The following PCDHGB3 variants were observed in gnomAD, a reference collection of about 807,000 sequenced individuals.
The protein encoded by PCDHGB3 is protocadherin gamma subfamily B, 3, also known as protocadherin gamma-B3.
Under a neutral mutation model 59.2 loss-of-function variants are expected in PCDHGB3, and 40 were observed. The observed-to-expected ratio is 0.68, with a 90% CI of 0.52 to 0.88. The LOEUF (loss-of-function observed/expected upper bound fraction) is 0.88, where lower values mean the gene tolerates loss of function less well. PCDHGB3 is among the 40% of genes least tolerant of loss of function. PCDHGB3 has a pLI of 0.00. For synonymous variants in PCDHGB3, 581 were observed against 503.6 expected (o/e 1.15, Z -2.06); for missense variants, 1,309 against 1,187.9 (o/e 1.10, Z -1.50).
At chr5:141,405,488 C>T (rs781076927) in intron 1 of PCDHGB3, 5 of 895,936 alleles carry the variant, frequency 5.6e-6, no homozygotes, top group Middle Eastern at 2.9e-4. Context: ...GGTGTGATCT[C>T]GGCTCATTGC....
chr5:141,490,822 C>T lies in PCDHGB3; in HGVS notation c.2416-3985C>T. ...GCGTACCTTTGACTATGAATTGCTG[C>T]AGATGCTGCAGATTGTGGTGGGGGT... On this transcript the variant is annotated intron_variant, in intron 1 of 3. Coordinates refer to ENST00000576222, the MANE Select transcript of PCDHGB3 (RefSeq NM_018924.5). This position sits in a 1 kb window ranked among gnomAD's most constrained non-coding sequence, Gnocchi z 5.4. 2 of 1,613,842 alleles carry T rather than the reference C, an allele frequency of 1.2e-6. No individual in the cohort carries two copies. Among genetic ancestry groups the T allele is most frequent in the Non-Finnish European group, 1.7e-6 (2 of 1,179,790 alleles).
rs1253890351 is a variant in PCDHGB3, at chr5:141,372,427, G to T, written c.2033G>T (p.Arg678Leu). The T allele has an allele frequency of 3.1e-6, 5 of 1,613,872 alleles. No homozygotes were observed. Among genetic ancestry groups the T allele is most frequent in the East Asian group, 2.2e-5 (1 of 44,888 alleles). The change falls in exon 1 of 4, where the codon CGC becomes CTC. Residue 678 changes from arginine (R) to leucine (L), a missense_variant. Coordinates refer to ENST00000576222, the MANE Select transcript of PCDHGB3 (RefSeq NM_018924.5). ...LQEIQPDLSD[R>L]PTPSDPQAEL... ...GAGATACAACCTGACCTTAGCGACC[G>T]CCCCACTCCCTCTGACCCTCAGGCG...
At chr5:141,453,058 G>C (rs2098754889) in intron 1 of PCDHGB3, among the ~76,000 whole-genome samples, 2 of 152,076 alleles carry the variant, frequency 1.3e-5, no homozygotes, top group Admixed American at 1.3e-4. Flanking sequence ...TGCAGTTTTA[G>C]AGTTTTGCCA....
rs149653507 is a variant in PCDHGB3 at position 141,469,869 on chromosome 5, G to A, written c.2416-24938G>A. Among the ~76,000 whole-genome samples, 591 of 152,290 alleles carry A rather than the reference G, an allele frequency of 3.9e-3. 6 individuals are homozygous for A. Among genetic ancestry groups the A allele is most frequent in the Admixed American group, 0.011 (171 of 15,304 alleles). On this transcript the variant is annotated intron_variant, in intron 1 of 3. Transcript: ENST00000576222. ...ATTCAGACCGGGTGCAATGGCTCACGCCTGTAATCTCGGCACTTTGGGAAG... is the reference window on the plus strand; with the variant it reads ...ATTCAGACCGGGTGCAATGGCTCACACCTGTAATCTCGGCACTTTGGGAAG...
chr5:141,478,724 G>T, intron 1 of PCDHGB3: 2 of 1,542,774 alleles, frequency 1.3e-6, no homozygotes, highest in Non-Finnish European at 1.8e-6. Context: ...TGGCCTGCCA[G>T]AGTGTGGTTT....
rs1446853595 is a variant in PCDHGB3, at chr5:141,491,363, C to T, written c.2416-3444C>T. ...ACCGTCAGTCTCTTATCCCTAGTCA[C>T]CTTCACCTTTCTGTCAGCGAAGTGC... On this transcript the variant is annotated intron_variant, in intron 1 of 3. Coordinates refer to ENST00000576222, the MANE Select transcript of PCDHGB3 (RefSeq NM_018924.5). This position sits in a 1 kb window ranked among gnomAD's most constrained non-coding sequence, Gnocchi z 6.9. The T allele has an allele frequency of 6.2e-7, 1 of 1,614,182 alleles. No individual in the cohort carries two copies. Among genetic ancestry groups the T allele is most frequent in the South Asian group, 1.1e-5 (1 of 91,082 alleles).
chr5:141,387,813 A>T, intron 1 of PCDHGB3: 6 of 1,531,348 alleles, frequency 3.9e-6, no homozygotes, highest in Non-Finnish European at 5.3e-6. Flanking sequence ...GAGATCCAAA[A>T]ATCTGCAATA....
In PCDHGB3 at chr5:141,486,110, G is replaced by A. The variant is rs780031943; in HGVS notation, c.2416-8697G>A. 1.2e-6 allele frequency: 2 copies of A among 1,614,162 alleles called. No individual in the cohort carries two copies. Among genetic ancestry groups the A allele is most frequent in the South Asian group, 1.1e-5 (1 of 91,078 alleles). On this transcript the variant is annotated intron_variant, in intron 1 of 3. Transcript: ENST00000576222. This position sits in a 1 kb window ranked among gnomAD's most constrained non-coding sequence, Gnocchi z 5.0. ...TTTGGGGCCCCTAGACTTTGAGAGT[G>A]AGAATTACTATGAATTTGATGTGCG...
Position 141,491,573 on chromosome 5 carries a change from T to G in PCDHGB3, c.2416-3234T>G. The G allele has an allele frequency of 6.2e-7, 1 of 1,613,912 alleles. No individual in the cohort carries two copies. The highest frequency in any genetic ancestry group is 8.5e-7 in the Non-Finnish European group (1 of 1,180,030). The stretch of plus-strand genomic sequence containing the variant: ...CAGAGCCACTGCTACAGGACGTGCT[T>G]TTCACCGGCCTCGGACGGCAGTGAC... On this transcript the variant is annotated intron_variant, in intron 1 of 3. Transcript: ENST00000576222. The surrounding 1 kb of genome is among the most constrained non-coding windows in gnomAD (Gnocchi z 6.9).
intron 1 of PCDHGB3, chr5:141,441,529 A>C (rs1042479748): frequency 4.6e-5 from 8 of 172,366 alleles, no homozygotes; most frequent in African/African-American, 1.9e-4. Flanking sequence ...GGCCAAGAAC[A>C]ATCTTCCCAA....
At chr5:141,418,917 C>T in intron 1 of PCDHGB3, 1 of 1,613,988 alleles carries the variant, frequency 6.2e-7, no homozygotes, top group Non-Finnish European at 8.5e-7. Context: ...ACGTCACTCT[C>T]TGATCAGATT....
intron 1 of PCDHGB3, chr5:141,427,300 A>G: frequency 2.2e-6 from 1 of 456,912 alleles, no homozygotes; most frequent in Non-Finnish European, 4.4e-6. Flanking sequence ...CTAGATGAGA[A>G]TGACAATGCC....
At chr5:141,505,308 G>A in intron 2 of PCDHGB3, 85 bp from the exon 3 acceptor site, 1 of 1,598,660 alleles carries the variant, frequency 6.3e-7, no homozygotes, top group Non-Finnish European at 8.5e-7. Flanking sequence ...TAGGGTACTA[G>A]GTTTGGGAGC....
At chr5:141,414,102 A>G in intron 1 of PCDHGB3, 1 of 1,593,854 alleles carries the variant, frequency 6.3e-7, no homozygotes, top group Non-Finnish European at 8.5e-7. Context: ...AAATATCAGA[A>G]AATCTAGATT....
intron 1 of PCDHGB3, chr5:141,410,442 C>T (rs1444532577): frequency 6.2e-7 from 1 of 1,613,942 alleles, no homozygotes; most frequent in East Asian, 2.2e-5. Context: ...AGTGAGGGGA[C>T]TTTGCCTTAT....
At chr5:141,441,848 T>C (rs1034278597) in intron 1 of PCDHGB3, 2 of 356,906 alleles carry the variant, frequency 5.6e-6, no homozygotes, top group South Asian at 2.4e-5. Context: ...CTCTTGGATA[T>C]GGTGCTGCAC....
At chr5:141,413,270 C>T (rs2095621736) in intron 1 of PCDHGB3, 5 of 1,613,924 alleles carry the variant, frequency 3.1e-6, no homozygotes, top group Non-Finnish European at 4.2e-6. Flanking sequence ...GAGGCTGGAG[C>T]CCGGCAGATC....
intron 1 of PCDHGB3, chr5:141,414,397 T>C: frequency 6.2e-7 from 1 of 1,613,920 alleles, no homozygotes; most frequent in Middle Eastern, 1.6e-4. Context: ...TTATTACAGA[T>C]TGGTGATACA....
rs757308340 is a variant in PCDHGB3, at chr5:141,487,575, G to A, written c.2416-7232G>A. ...GCACCTATGGCAGGGGAGCCTGTTC[G>A]CCCAAGCTGCCCACCCTCTGATCTT... On this transcript the variant is annotated intron_variant, in intron 1 of 3. Coordinates refer to ENST00000576222, the MANE Select transcript of PCDHGB3 (RefSeq NM_018924.5). This position sits in a 1 kb window ranked among gnomAD's most constrained non-coding sequence, Gnocchi z 5.0. The A allele has an allele frequency of 3.1e-6, 5 of 1,614,018 alleles. No homozygotes were observed. In the African/African-American group the frequency reaches 4.0e-5, roughly 13 times the overall value.
Sources: allele counts gnomAD v4.1 joint callset (sites outside exome capture counted in the v4.1 genomes callset), GRCh38; gene constraint gnomAD v4.1.1; non-coding constraint Gnocchi (gnomAD v3.1); transcripts MANE v1.5; gene names NCBI Gene and HGNC (gene_info 2026-07-23, HGNC 2026-07-21).